The following CDH18 variants were observed in gnomAD, a reference collection of about 807,000 sequenced individuals.
CDH18 encodes the protein cadherin-18.
A neutral mutation model predicts 67.9 loss-of-function variants in CDH18; 31 were observed. The observed-to-expected ratio is 0.46, with a 90% CI of 0.34 to 0.62. The LOEUF is 0.62. CDH18 is among the 20% of genes least tolerant of loss of function. The probability of loss-of-function intolerance (pLI) is 0.01; values close to 1 mark genes in which losing one functional copy is unlikely to be tolerated. For synonymous variants in CDH18, 362 were observed against 347.2 expected, an observed-to-expected ratio of 1.04 and a Z score of -0.48; for missense variants, 890 against 975.5, an observed-to-expected ratio of 0.91 and a Z score of 1.17.
At chr5:20,557,146 T>C (rs1256615654) in intron 1 of CDH18, among the ~76,000 whole-genome samples, 1 of 152,046 alleles carries the variant, frequency 6.6e-6, no homozygotes, top group Non-Finnish European at 1.5e-5. Context: ...AAATGTTAAT[T>C]ATCAACTTTG....
intron 2 of CDH18, among the ~76,000 whole-genome samples, chr5:20,094,075 T>C (rs1188286620): frequency 6.6e-6 from 1 of 152,114 alleles, no homozygotes; most frequent in Non-Finnish European, 1.5e-5. Context: ...AAATATCCCA[T>C]GCTCTCAGTT....
At chr5:20,362,427 C>T (rs1580833433) in intron 1 of CDH18, among the ~76,000 whole-genome samples, 1 of 152,140 alleles carries the variant, frequency 6.6e-6, no homozygotes, top group Non-Finnish European at 1.5e-5. Flanking sequence ...TCTGTACTCC[C>T]TCTTGCTGAA....
intron 2 of CDH18, among the ~76,000 whole-genome samples, chr5:20,205,409 G>C (rs1739803528): frequency 2.0e-5 from 3 of 151,762 alleles, no homozygotes; most frequent in Admixed American, 1.3e-4. Context: ...TAAAGGGAGA[G>C]ATACACTGCA....
intron 5 of CDH18, among the ~76,000 whole-genome samples, chr5:19,656,959 T>A (rs544111006): frequency 6.6e-6 from 1 of 152,112 alleles, no homozygotes; most frequent in African/African-American, 2.4e-5. Context: ...TGGGATAAAA[T>A]TGAAATATAA....
At chr5:19,474,508 C>A (rs1324156330) in intron 12 of CDH18, among the ~76,000 whole-genome samples, 1 of 151,918 alleles carries the variant, frequency 6.6e-6, no homozygotes, top group Non-Finnish European at 1.5e-5. Flanking sequence ...AGCAGTAGGA[C>A]ATAAATAACT....
chr5:19,714,038 A>G (rs1198812384), intron 5 of CDH18, among the ~76,000 whole-genome samples: 2 of 152,168 alleles, frequency 1.3e-5, no homozygotes, highest in Non-Finnish European at 2.9e-5. Context: ...GCATCTGAAT[A>G]TAAAAATAAC....
chr5:20,170,894 T>C (rs1178017760), intron 2 of CDH18, among the ~76,000 whole-genome samples: 3 of 152,074 alleles, frequency 2.0e-5, no homozygotes, highest in Non-Finnish European at 1.5e-5. Flanking sequence ...TGTCTGTTGT[T>C]TCCATTTTTG....
intron 1 of CDH18, chr5:20,304,864 T>A (rs1289040065): frequency 5.6e-6 from 9 of 1,611,722 alleles, no homozygotes; most frequent in Non-Finnish European, 7.6e-6. Flanking sequence ...CTGTTCAATG[T>A]TTGCTAAATA....
At chr5:19,591,494 T>C (rs1489348793) in intron 6 of CDH18, among the ~76,000 whole-genome samples, 1 of 152,110 alleles carries the variant, frequency 6.6e-6, no homozygotes, top group Non-Finnish European at 1.5e-5. Flanking sequence ...TTTTATTAGC[T>C]CTAAACCCTT....
chr5:20,040,108 A>G (rs186280873), intron 2 of CDH18, among the ~76,000 whole-genome samples: 1 of 152,304 alleles, frequency 6.6e-6, no homozygotes, highest in East Asian at 1.9e-4. Flanking sequence ...AAACCTCATC[A>G]TCACTGGTCA....
intron 1 of CDH18, among the ~76,000 whole-genome samples, chr5:20,445,549 G>C (rs1187477184): frequency 6.6e-6 from 1 of 152,172 alleles, no homozygotes; most frequent in Non-Finnish European, 1.5e-5. Context: ...ACTCAACTCT[G>C]AATACAACAG....
chr5:19,952,251 G>T (rs549152582), intron 2 of CDH18, among the ~76,000 whole-genome samples: 5 of 151,928 alleles, frequency 3.3e-5, no homozygotes, highest in African/African-American at 1.2e-4. Context: ...GGGTTTCACC[G>T]TGTTAGCCAG....
chr5:20,212,034 A>G (rs1184391739), intron 2 of CDH18, among the ~76,000 whole-genome samples: 1 of 152,162 alleles, frequency 6.6e-6, no homozygotes, highest in Admixed American at 6.5e-5. Flanking sequence ...AAAACCTTGG[A>G]AAAAGATTAG....
At chr5:20,297,229 G>A (rs66490022) in intron 1 of CDH18, among the ~76,000 whole-genome samples, 40,785 of 152,038 alleles carry the variant, frequency 0.27, 6,422 homozygotes, top group South Asian at 0.38. Flanking sequence ...TACTTTTCAT[G>A]CATGATTTTA....
chr5:20,172,223 T>TATATATATATATATATAC (rs1554098639), intron 2 of CDH18, among the ~76,000 whole-genome samples: 28 of 43,912 alleles, frequency 6.4e-4, no homozygotes, highest in Non-Finnish European at 7.6e-4. Flanking sequence ...TATATATATA[T>TATATATATATATATATAC]GTATATATAT....
chr5:20,530,856 G>A lies in CDH18; in HGVS notation c.-580+44606C>T, dbSNP rs567956565. On this transcript the variant is annotated intron_variant, in intron 1 of 14. Coordinates refer to the CDH18 transcript ENST00000507958. ...AGATTTTATGAGGAAATCACCAAAA[G>A]CAATTGCAACAAGAGTAAAAATTGA... 8.0e-4 allele frequency among the ~76,000 whole-genome samples: 121 copies of A among 152,138 alleles called. 3 individuals carry two copies. The highest frequency in any genetic ancestry group is 2.8e-3 in the African/African-American group (116 of 41,462).
chr5:19,904,815 T>A (rs1790359970), intron 2 of CDH18, among the ~76,000 whole-genome samples: 1 of 152,186 alleles, frequency 6.6e-6, no homozygotes, highest in African/African-American at 2.4e-5. Context: ...TAAAAACATA[T>A]CTTCATATTG....
intron 2 of CDH18, among the ~76,000 whole-genome samples, chr5:19,974,460 A>T (rs964976763): frequency 4.8e-5 from 7 of 145,278 alleles, no homozygotes; most frequent in African/African-American, 1.8e-4. Context: ...CAGAGGTTGC[A>T]GTGAGCCGAG....
chr5:20,000,318 C>G (rs2150399704), intron 2 of CDH18, among the ~76,000 whole-genome samples: 2 of 151,636 alleles, frequency 1.3e-5, no homozygotes, highest in South Asian at 4.2e-4. Flanking sequence ...ATAGTTACAA[C>G]CAAAAAGATA....
Sources: gnomAD v4.1 joint callset for allele counts (sites outside exome capture counted in the v4.1 genomes callset) on GRCh38, gnomAD v4.1.1 for gene constraint, MANE v1.5 for transcripts, NCBI Gene and HGNC (gene_info 2026-07-23, HGNC 2026-07-21) for gene names.